Variants in FER observed in about 807,000 individuals in gnomAD.
FER encodes the protein tyrosine-protein kinase Fer.
In FER, 63 loss-of-function variants were observed where a neutral mutation model predicts 111.0. That is an observed-to-expected ratio of 0.57 (90% CI 0.46 to 0.70). FER has a LOEUF of 0.70. FER is among the 30% of genes least tolerant of loss of function. FER has a pLI of 0.00. For synonymous variants in FER, 327 were observed against 313.9 expected, an observed-to-expected ratio of 1.04 and a Z score of -0.44; for missense variants, 914 against 954.0, an observed-to-expected ratio of 0.96 and a Z score of 0.55.
At chr5:109,013,539 T>C (rs1412599810) in intron 13 of FER, among the ~76,000 whole-genome samples, 2 of 150,130 alleles carry the variant, frequency 1.3e-5, no homozygotes, top group Middle Eastern at 3.4e-3. Context: ...GCAATAAACA[T>C]ACGTGTGCAT....
intron 8 of FER, among the ~76,000 whole-genome samples, chr5:108,874,748 A>T (rs1437586216): frequency 6.6e-6 from 1 of 152,092 alleles, no homozygotes; most frequent in Non-Finnish European, 1.5e-5. Context: ...ACAAATGAAC[A>T]GTTAGTTCCT....
intron 13 of FER, among the ~76,000 whole-genome samples, chr5:108,985,083 A>G (rs114863753): frequency 3.3e-5 from 5 of 152,130 alleles, no homozygotes; most frequent in African/African-American, 1.2e-4. Flanking sequence ...AGTGCTTATC[A>G]TACAAATAAC....
At chr5:109,127,082 A>G (rs540226610) in intron 17 of FER, among the ~76,000 whole-genome samples, 1 of 152,296 alleles carries the variant, frequency 6.6e-6, no homozygotes, top group African/African-American at 2.4e-5. Flanking sequence ...TGTGTTGGGA[A>G]CGTTCCAAGA....
chr5:109,030,105 C>T (rs1025617015), intron 13 of FER, among the ~76,000 whole-genome samples: 3 of 151,934 alleles, frequency 2.0e-5, no homozygotes, highest in Non-Finnish European at 4.4e-5. Context: ...ACTATTGAGC[C>T]CATTCAGTGA....
intron 10 of FER, among the ~76,000 whole-genome samples, chr5:108,905,103 C>G (rs182650652): frequency 5.5e-4 from 83 of 152,148 alleles, no homozygotes; most frequent in African/African-American, 1.9e-3. Context: ...TTCTTTGGCT[C>G]ATATAAATGA....
intron 17 of FER, among the ~76,000 whole-genome samples, chr5:109,169,474 G>T (rs1368768617): frequency 1.3e-5 from 2 of 151,922 alleles, no homozygotes; most frequent in Admixed American, 1.3e-4. Context: ...AAGTCACCTG[G>T]GATATTACTT....
intron 2 of FER, among the ~76,000 whole-genome samples, chr5:108,788,010 CAG>C (rs1207700021): frequency 6.6e-6 from 1 of 152,210 alleles, no homozygotes; most frequent in African/African-American, 2.4e-5. Flanking sequence ...ACATGCCCTC[CAG>C]TCACTACGCT....
At chr5:109,138,572 T>C (rs957904692) in intron 17 of FER, among the ~76,000 whole-genome samples, 1 of 152,204 alleles carries the variant, frequency 6.6e-6, no homozygotes, top group Admixed American at 6.5e-5. Flanking sequence ...TTAGACTTAG[T>C]TACTCTCCCC....
intron 3 of FER, among the ~76,000 whole-genome samples, chr5:108,812,965 A>G (rs1039064815): frequency 1.3e-5 from 2 of 152,124 alleles, no homozygotes; most frequent in African/African-American, 2.4e-5. Flanking sequence ...AATTTAAATA[A>G]TAAGTACATA....
chr5:109,148,806 AGCGATAG>A (rs1355910087), intron 17 of FER, among the ~76,000 whole-genome samples: 1 of 152,162 alleles, frequency 6.6e-6, no homozygotes, highest in Admixed American at 6.6e-5. Flanking sequence ...GCAAGTGGCT[AGCGATAG>A]GCTTTGATGC....
chr5:109,161,244 A>T (rs754357835), intron 17 of FER, among the ~76,000 whole-genome samples: 6 of 152,056 alleles, frequency 3.9e-5, no homozygotes, highest in Non-Finnish European at 8.8e-5. Flanking sequence ...ATTTAAAATT[A>T]TGAGGCCATA....
intron 17 of FER, among the ~76,000 whole-genome samples, chr5:109,124,329 T>C (rs1388679110): frequency 1.3e-5 from 2 of 152,242 alleles, no homozygotes; most frequent in Non-Finnish European, 2.9e-5. Flanking sequence ...AACTAAATGC[T>C]GTGGGAAATT....
chr5:108,931,704 C>A (rs1279371893), intron 10 of FER, among the ~76,000 whole-genome samples: 1 of 152,028 alleles, frequency 6.6e-6, no homozygotes, highest in Non-Finnish European at 1.5e-5. Flanking sequence ...GTGGCGGGGA[C>A]CTGTAATCCC....
chr5:108,954,739 T>G lies in FER; in HGVS notation c.1340T>G (p.Met447Arg). The change falls in exon 12 of 20, where the codon ATG becomes AGG. Residue 447 changes from methionine to arginine, a missense_variant. This residue lies in a region of FER where 774 missense variants were observed against 782.6 expected (regional missense o/e 0.99). Coordinates refer to ENST00000281092, the MANE Select transcript of FER (RefSeq NM_005246.4). ...TAATATTTGTTTAAGCTTTCTGATA[T>G]GATCTCCATCAGTGAGAAGCCTTTG... ...SALGSSALSDMISISEKPLAE... is the reference protein window; with the variant it reads ...SALGSSALSDRISISEKPLAE... 1 of 1,577,018 alleles carries G rather than the reference T, an allele frequency of 6.3e-7. No individual in the cohort carries two copies. Among genetic ancestry groups the G allele is most frequent in the South Asian group, 1.2e-5 (1 of 82,230 alleles).
At chr5:108,990,910 C>G (rs986635898) in intron 13 of FER, among the ~76,000 whole-genome samples, 2 of 151,660 alleles carry the variant, frequency 1.3e-5, no homozygotes, top group Non-Finnish European at 3.0e-5. Flanking sequence ...ACCTAGTACT[C>G]TACTTTTAAT....
At chr5:108,898,501 T>C (rs1403754338) in intron 10 of FER, among the ~76,000 whole-genome samples, 8 of 147,822 alleles carry the variant, frequency 5.4e-5, no homozygotes, top group African/African-American at 1.3e-4. Flanking sequence ...CCTTCCTCTT[T>C]CTCTCTCCTT....
intron 2 of FER, among the ~76,000 whole-genome samples, chr5:108,786,878 A>G (rs909507071): frequency 2.0e-5 from 3 of 151,786 alleles, no homozygotes; most frequent in African/African-American, 7.3e-5. Flanking sequence ...TGATGATGAG[A>G]TTTTTGCAGT....
At chr5:108,961,737 T>G (rs1330520363) in intron 13 of FER, among the ~76,000 whole-genome samples, 3 of 152,210 alleles carry the variant, frequency 2.0e-5, no homozygotes, top group African/African-American at 7.2e-5. Flanking sequence ...AGCTTTGAGT[T>G]AGATAATTTT....
chr5:108,989,277 A>C (rs1224024403), intron 13 of FER, among the ~76,000 whole-genome samples: 1 of 152,130 alleles, frequency 6.6e-6, no homozygotes, highest in Non-Finnish European at 1.5e-5. Flanking sequence ...ATGGGAGTGC[A>C]TGAAGATGGA....
Sources: gnomAD v4.1 joint callset for allele counts (sites outside exome capture counted in the v4.1 genomes callset) on GRCh38, gnomAD v4.1.1 for gene constraint, gnomAD v4.1.1 regional missense constraint, MANE v1.5 for transcripts, NCBI Gene and HGNC (gene_info 2026-07-23, HGNC 2026-07-21) for gene names.